NKAIN2: variants seen among roughly 807,000 people sequenced by gnomAD.
NKAIN2 encodes sodium/potassium transporting ATPase interacting 2.
Under a neutral mutation model 32.6 loss-of-function variants are expected in NKAIN2, and 14 were observed. The observed-to-expected ratio is 0.43, with a 90% CI of 0.28 to 0.67. The LOEUF (loss-of-function observed/expected upper bound fraction) is 0.67. NKAIN2 is among the 30% of genes least tolerant of loss of function. NKAIN2 has a pLI of 0.17. For synonymous variants in NKAIN2, 80 were observed against 87.2 expected, an observed-to-expected ratio of 0.92 and a Z score of 0.46; for missense variants, 198 against 258.3, an observed-to-expected ratio of 0.77 and a Z score of 1.60.
chr6:124,005,277 A>T (rs1780032811), intron 1 of NKAIN2, among the ~76,000 whole-genome samples: 1 of 152,098 alleles, frequency 6.6e-6, no homozygotes, highest in East Asian at 1.9e-4. Flanking sequence ...ATCATTTCCA[A>T]TTCTTATGTA....
At chr6:124,230,061 A>T (rs970008656) in intron 1 of NKAIN2, among the ~76,000 whole-genome samples, 2 of 152,116 alleles carry the variant, frequency 1.3e-5, no homozygotes, top group Admixed American at 6.6e-5. Flanking sequence ...CTAGAAACTT[A>T]TTGAATGGCT....
At chr6:123,859,292 G>A (rs895315799) in intron 1 of NKAIN2, among the ~76,000 whole-genome samples, 2 of 152,074 alleles carry the variant, frequency 1.3e-5, no homozygotes, top group Non-Finnish European at 2.9e-5. Context: ...TCATATCAGT[G>A]ATATGTGGGA....
intron 1 of NKAIN2, among the ~76,000 whole-genome samples, chr6:124,136,624 G>A (rs1477202004): frequency 6.6e-6 from 1 of 151,960 alleles, no homozygotes; most frequent in Non-Finnish European, 1.5e-5. Context: ...ACTGGCTAAC[G>A]AAACCCAACA....
intron 4 of NKAIN2, among the ~76,000 whole-genome samples, chr6:124,768,807 A>G (rs1037552193): frequency 1.3e-5 from 2 of 152,204 alleles, no homozygotes; most frequent in Non-Finnish European, 2.9e-5. Flanking sequence ...CATATATGAA[A>G]GAAAAATTTA....
intron 3 of NKAIN2, among the ~76,000 whole-genome samples, chr6:124,624,490 A>G (rs1210597695): frequency 3.3e-5 from 5 of 152,148 alleles, no homozygotes; most frequent in Non-Finnish European, 7.3e-5. Context: ...ATGTTTAAAT[A>G]CCAGTTTTCT....
intron 1 of NKAIN2, among the ~76,000 whole-genome samples, chr6:124,258,145 A>AC (rs1794040495): frequency 6.6e-6 from 1 of 151,598 alleles, no homozygotes; most frequent in Non-Finnish European, 1.5e-5. Flanking sequence ...TCAAGATTAA[A>AC]AAAAAAAAAA....
chr6:124,801,503 C>T (rs2114832293), intron 5 of NKAIN2, among the ~76,000 whole-genome samples: 1 of 152,292 alleles, frequency 6.6e-6, no homozygotes, highest in Middle Eastern at 3.4e-3. Flanking sequence ...TCGAAGTATA[C>T]TTTCCATGTC....
intron 3 of NKAIN2, among the ~76,000 whole-genome samples, chr6:124,450,228 A>G (rs572863319): frequency 6.6e-6 from 1 of 152,188 alleles, no homozygotes; most frequent in South Asian, 2.1e-4. Context: ...CAAACCAACT[A>G]TTTGGAAGAC....
At chr6:123,911,942 C>A (rs1292145497) in intron 1 of NKAIN2, among the ~76,000 whole-genome samples, 1 of 150,470 alleles carries the variant, frequency 6.6e-6, no homozygotes, top group East Asian at 2.0e-4. Context: ...TCACTGAATT[C>A]AGTCTATGTT....
chr6:124,791,465 A>C (rs1218457529), intron 5 of NKAIN2, 66 bp downstream of exon 5: 1 of 1,082,522 alleles, frequency 9.2e-7, no homozygotes, highest in Non-Finnish European at 1.4e-6. Flanking sequence ...CCTCCTACTT[A>C]GCCTTCCTAT....
At chr6:124,030,080 C>CA (rs1274152148) in intron 1 of NKAIN2, among the ~76,000 whole-genome samples, 6 of 151,574 alleles carry the variant, frequency 4.0e-5, no homozygotes, top group Non-Finnish European at 7.4e-5. Context: ...AACATAAAAA[C>CA]AAAAAAACAA....
intron 1 of NKAIN2, among the ~76,000 whole-genome samples, chr6:123,872,136 T>A (rs1772921754): frequency 6.6e-6 from 1 of 152,212 alleles, no homozygotes; most frequent in South Asian, 2.1e-4. Context: ...TTATTTTGCT[T>A]CTATTATTTG....
At chr6:124,711,376 A>G (rs549791480) in intron 4 of NKAIN2, among the ~76,000 whole-genome samples, 42 of 117,670 alleles carry the variant, frequency 3.6e-4, no homozygotes, top group Middle Eastern at 3.8e-3. Context: ...GCCTTGCTAG[A>G]TTGGGGAAGT....
At chr6:124,289,863 A>G (rs1228841062) in intron 2 of NKAIN2, among the ~76,000 whole-genome samples, 2 of 152,166 alleles carry the variant, frequency 1.3e-5, no homozygotes, top group Admixed American at 1.3e-4. Flanking sequence ...CTAGGAGAAA[A>G]AAATATCTGA....
chr6:124,667,639 A>G (rs1042987123), intron 4 of NKAIN2, among the ~76,000 whole-genome samples: 9 of 152,076 alleles, frequency 5.9e-5, no homozygotes, highest in African/African-American at 2.2e-4. Context: ...TATATCTTTG[A>G]TGGCAATTTT....
At chr6:124,691,040 A>C (rs1166439255) in intron 4 of NKAIN2, among the ~76,000 whole-genome samples, 1 of 152,174 alleles carries the variant, frequency 6.6e-6, no homozygotes, top group Non-Finnish European at 1.5e-5. Flanking sequence ...GAAAAACAGA[A>C]TGCAAGGAAG....
chr6:124,432,435 G>A (rs758681732), intron 3 of NKAIN2, among the ~76,000 whole-genome samples: 6 of 151,956 alleles, frequency 3.9e-5, no homozygotes, highest in Non-Finnish European at 7.4e-5. Flanking sequence ...CTTTTAGAGA[G>A]CTCTATTTAA....
At position 124,276,575 on chromosome 6, in the gene NKAIN2, G is replaced by T. The variant is rs868068334; in HGVS notation, c.55-6430G>T. Among the ~76,000 whole-genome samples the T allele has an allele frequency of 1.4e-4, 21 of 152,076 alleles. 1 individual carries two copies. In the South Asian group the frequency reaches 2.7e-3, roughly 20 times the overall value. ...TATCTCTTGCATATAATGTTTAAAA[G>T]CCAGCACATATGTTCTCATTGATCT... On this transcript the variant is annotated intron_variant, in intron 1 of 6. Transcript: ENST00000368417.
chr6:123,941,967 C>G (rs1055625407), intron 1 of NKAIN2, among the ~76,000 whole-genome samples: 2 of 151,878 alleles, frequency 1.3e-5, no homozygotes, highest in African/African-American at 4.8e-5. Context: ...AATCCACCCC[C>G]AAAGCATCAG....
Sources: gnomAD v4.1 joint callset for allele counts (sites outside exome capture counted in the v4.1 genomes callset) on GRCh38, gnomAD v4.1.1 for gene constraint, MANE v1.5 for transcripts, NCBI Gene and HGNC (gene_info 2026-07-23, HGNC 2026-07-21) for gene names.